BEND4: variants seen among roughly 807,000 people sequenced by gnomAD.
BEND4 encodes BEN domain containing 4.
A neutral mutation model predicts 54.7 loss-of-function variants in BEND4; 27 were observed. The observed-to-expected ratio is 0.49, with a 90% CI of 0.36 to 0.68. BEND4 has a LOEUF of 0.68. Among genes scored for constraint, BEND4 ranks in the 30% least tolerant of loss-of-function variants. BEND4 has a pLI of 0.00. For missense variants in BEND4, 702 were observed against 697.2 expected (o/e 1.01, Z -0.08); for synonymous variants, 327 against 299.5 (o/e 1.09, Z -0.95).
At chr4:42,143,050 G>A (rs909590376) in intron 3 of BEND4, among the ~76,000 whole-genome samples, 1 of 152,192 alleles carries the variant, frequency 6.6e-6, no homozygotes, top group African/African-American at 2.4e-5. Flanking sequence ...TAAAGGAAGA[G>A]GACCACCTTT....
At chr4:42,140,380 A>T (rs1229541049) in intron 3 of BEND4, among the ~76,000 whole-genome samples, 1 of 152,172 alleles carries the variant, frequency 6.6e-6, no homozygotes, top group Non-Finnish European at 1.5e-5. Flanking sequence ...CTGGCTTTTC[A>T]TCCATATTGT....
chr4:42,142,290 G>A (rs914645723), intron 3 of BEND4, among the ~76,000 whole-genome samples: 6 of 151,270 alleles, frequency 4.0e-5, no homozygotes, highest in Non-Finnish European at 7.4e-5. Flanking sequence ...AATGTCTTCT[G>A]TAAGCTACAG....
chr4:42,127,620 G>A (rs1720337968), intron 3 of BEND4, among the ~76,000 whole-genome samples: 1 of 152,118 alleles, frequency 6.6e-6, no homozygotes, highest in South Asian at 2.1e-4. Context: ...GTGTGACCTT[G>A]GGGACTTCAT....
At chr4:42,131,068 G>A (rs767801984) in intron 3 of BEND4, among the ~76,000 whole-genome samples, 2 of 152,186 alleles carry the variant, frequency 1.3e-5, no homozygotes, top group Non-Finnish European at 2.9e-5. Flanking sequence ...GCCTATTGGG[G>A]AGGGGGGGCA....
intron 3 of BEND4, among the ~76,000 whole-genome samples, chr4:42,129,122 T>C (rs1720410571): frequency 6.6e-6 from 1 of 152,024 alleles, no homozygotes; most frequent in Non-Finnish European, 1.5e-5. Flanking sequence ...CAAACAAGCA[T>C]TCCTATACAC....
At chr4:42,128,164 A>G (rs1210807505) in intron 3 of BEND4, among the ~76,000 whole-genome samples, 1 of 152,172 alleles carries the variant, frequency 6.6e-6, no homozygotes, top group African/African-American at 2.4e-5. Flanking sequence ...CGCTCTCTAA[A>G]ACAAACAAAC....
chr4:42,140,911 G>T (rs368543156), intron 3 of BEND4, among the ~76,000 whole-genome samples: 2 of 152,134 alleles, frequency 1.3e-5, no homozygotes, highest in African/African-American at 4.8e-5. Flanking sequence ...TGATCTCTAC[G>T]ACACGATTTT....
At chr4:42,121,999 C>T (rs1380538970) in intron 4 of BEND4, among the ~76,000 whole-genome samples, 1 of 152,100 alleles carries the variant, frequency 6.6e-6, no homozygotes, top group Non-Finnish European at 1.5e-5. Context: ...GAATGGTTGA[C>T]CCCCAGCCCT....
intron 2 of BEND4, among the ~76,000 whole-genome samples, chr4:42,148,037 G>A (rs985342449): frequency 1.3e-4 from 20 of 152,142 alleles, no homozygotes; most frequent in African/African-American, 4.6e-4. Flanking sequence ...TAAAAATGCA[G>A]AAGCAGAAAT....
At chr4:42,142,573 C>CA (rs1330674376) in intron 3 of BEND4, among the ~76,000 whole-genome samples, 11 of 145,732 alleles carry the variant, frequency 7.5e-5, no homozygotes, top group African/African-American at 2.0e-4. Flanking sequence ...ACGGAGGTTG[C>CA]AGTGAGCCCA....
intron 2 of BEND4, among the ~76,000 whole-genome samples, chr4:42,150,460 A>G (rs181763853): frequency 1.3e-5 from 2 of 152,336 alleles, no homozygotes. Context: ...GTGTCAAAAT[A>G]TTGACAAACA....
At chr4:42,142,059 A>G (rs1720906640) in intron 3 of BEND4, among the ~76,000 whole-genome samples, 2 of 151,446 alleles carry the variant, frequency 1.3e-5, no homozygotes, top group South Asian at 2.1e-4. Context: ...ACCTGCCACC[A>G]TGCCTGGCGA....
chr4:42,146,583 C>T (rs1409293131), intron 2 of BEND4, among the ~76,000 whole-genome samples: 2 of 143,618 alleles, frequency 1.4e-5, no homozygotes, highest in Non-Finnish European at 3.1e-5. Flanking sequence ...AGATGCTACA[C>T]TCATTTTTTT....
At chr4:42,124,234 T>C (rs903233026) in intron 4 of BEND4, among the ~76,000 whole-genome samples, 1 of 152,120 alleles carries the variant, frequency 6.6e-6, no homozygotes, top group Non-Finnish European at 1.5e-5. Context: ...ACACCTGTAG[T>C]CTCGGCTATT....
chr4:42,129,101 T>A (rs1720409475), intron 3 of BEND4, among the ~76,000 whole-genome samples: 1 of 152,108 alleles, frequency 6.6e-6, no homozygotes, highest in African/African-American at 2.4e-5. Flanking sequence ...ACAAAATCAA[T>A]GTGCAAAAAT....
chr4:42,126,890 C>T (rs574235979), intron 3 of BEND4, among the ~76,000 whole-genome samples: 6 of 152,218 alleles, frequency 3.9e-5, no homozygotes, highest in East Asian at 1.9e-4. Context: ...ACAAAAAGAA[C>T]AAAAGATAAA....
rs1030864732 is a variant in BEND4 at position 42,116,660 on chromosome 4, C to T, written c.*858G>A. 5.9e-5 allele frequency: 9 copies of T among 152,204 alleles called. No homozygotes were observed. The highest frequency in any genetic ancestry group is 5.2e-4 in the Admixed American group (8 of 15,288). The allele number at this position is 152,204 out of a possible 1,614,324, so 9.4% of individuals were successfully genotyped here. A position where few individuals can be genotyped will look rare whatever the true frequency, so the allele number is the denominator to read the frequency against. On this transcript the variant is annotated 3_prime_UTR_variant, in exon 6 of 6. Coordinates refer to ENST00000502486, the MANE Select transcript of BEND4 (RefSeq NM_207406.4). ...TCAATTCAGCGAATACCATCAGTCA[C>T]ACCACTTGTTTGGTCTTCAGTGCAC...
chr4:42,143,904 T>G lies in BEND4; in HGVS notation c.578A>C (p.His193Pro). Residue 193 changes from histidine (H) to proline (P), a missense_variant, in exon 3 of 6, where the codon CAT (histidine) becomes CCT (proline). Coordinates refer to ENST00000502486, the MANE Select transcript of BEND4 (RefSeq NM_207406.4). ...TACGCAAGAAATCATGGACTGAGAA[T>G]GGTTGGAGTCCAGGAGTTTTCCTCC... ...NCGGKLLDSNHSQSMISCVKQ... is the reference protein window; with the variant it reads ...NCGGKLLDSNPSQSMISCVKQ... 1 of 1,540,494 alleles carries G rather than the reference T, an allele frequency of 6.5e-7. No homozygotes were observed. Among genetic ancestry groups the G allele is most frequent in the Non-Finnish European group, 8.7e-7 (1 of 1,147,238 alleles).
In BEND4 at chr4:42,111,710, A is replaced by C. The variant is rs2153143530; in HGVS notation, c.*5808T>G. 1 of 152,360 alleles carries C rather than the reference A, an allele frequency of 6.6e-6. No individual in the cohort carries two copies. The highest frequency in any genetic ancestry group is 6.5e-5 in the Admixed American group (1 of 15,304). The allele number at this position is 152,360 out of a possible 1,614,324, so 9.4% of individuals were successfully genotyped here. ...CTCTTCCAAACCAATCAGACTCATCAGCTCTAAAGCTACAAAGACACAAAC... is the reference window on the plus strand; with the variant it reads ...CTCTTCCAAACCAATCAGACTCATCCGCTCTAAAGCTACAAAGACACAAAC... On this transcript the variant is annotated 3_prime_UTR_variant, in exon 6 of 6. Transcript: ENST00000502486.
Sources: gnomAD v4.1 joint callset for allele counts (sites outside exome capture counted in the v4.1 genomes callset) on GRCh38, gnomAD v4.1.1 for gene constraint, MANE v1.5 for transcripts, NCBI Gene and HGNC (gene_info 2026-07-23, HGNC 2026-07-21) for gene names.